CDC14A: variants seen among roughly 807,000 people sequenced by gnomAD.
The protein encoded by CDC14A is dual specificity protein phosphatase CDC14A.
CDC14A carries 53 observed loss-of-function variants against 74.4 expected under a neutral mutation model. The observed-to-expected ratio is 0.71, with a 90% CI of 0.57 to 0.89. CDC14A has a LOEUF of 0.89. Ranked by LOEUF, CDC14A falls within the 40% of genes least tolerant of loss-of-function variation. CDC14A has a pLI of 0.00. For missense variants in CDC14A, 646 were observed against 713.7 expected, an observed-to-expected ratio of 0.91 and a Z score of 1.08; for synonymous variants, 247 against 258.4, an observed-to-expected ratio of 0.96 and a Z score of 0.43.
intron 4 of CDC14A, among the ~76,000 whole-genome samples, chr1:100,408,304 A>C (rs1660216152): frequency 6.6e-6 from 1 of 152,190 alleles, no homozygotes; most frequent in African/African-American, 2.4e-5. Context: ...CATTTTAAAT[A>C]TCCATTCTAC....
At chr1:100,443,592 C>A (rs1438596305) in intron 7 of CDC14A, among the ~76,000 whole-genome samples, 2 of 152,044 alleles carry the variant, frequency 1.3e-5, no homozygotes, top group African/African-American at 4.8e-5. Context: ...GCCTCGGCCT[C>A]CCAAAGTGCT....
At chr1:100,406,164 G>A (rs935596437) in intron 4 of CDC14A, among the ~76,000 whole-genome samples, 7 of 152,006 alleles carry the variant, frequency 4.6e-5, no homozygotes, top group Non-Finnish European at 1.0e-4. Flanking sequence ...TTTGTTGGCC[G>A]CAAATATATC....
At chr1:100,513,413 T>G (rs1225520285) in intron 15 of CDC14A, among the ~76,000 whole-genome samples, 1 of 152,162 alleles carries the variant, frequency 6.6e-6, no homozygotes, top group Non-Finnish European at 1.5e-5. Context: ...TGTTTATTCC[T>G]TAAAGGACTG....
chr1:100,410,222 A>AT (rs1660498990), intron 4 of CDC14A, among the ~76,000 whole-genome samples: 1 of 151,992 alleles, frequency 6.6e-6, no homozygotes, highest in South Asian at 2.1e-4. Flanking sequence ...AAAAAAAAAA[A>AT]GAAAAAAAAA....
At chr1:100,411,017 A>AT (rs77243492) in intron 4 of CDC14A, among the ~76,000 whole-genome samples, 7 of 151,628 alleles carry the variant, frequency 4.6e-5, no homozygotes, top group East Asian at 3.9e-4. Flanking sequence ...CTGTATAGTG[A>AT]TTTTTTTTTG....
chr1:100,515,997 C>A (rs954727699), intron 15 of CDC14A, among the ~76,000 whole-genome samples: 1 of 152,136 alleles, frequency 6.6e-6, no homozygotes, highest in African/African-American at 2.4e-5. Context: ...GCCTGCAGGG[C>A]CAGTTAGGCA....
At chr1:100,504,891 A>T (rs1403662138) in intron 15 of CDC14A, 21 of 1,535,170 alleles carry the variant, frequency 1.4e-5, no homozygotes, top group Non-Finnish European at 1.7e-5. Flanking sequence ...CTCATCTTTA[A>T]ATAAAGACAT....
intron 10 of CDC14A, among the ~76,000 whole-genome samples, chr1:100,484,050 G>A (rs1669787641): frequency 1.3e-5 from 2 of 152,116 alleles, no homozygotes; most frequent in South Asian, 4.1e-4. Flanking sequence ...GACTTCAGCA[G>A]TCAACTATAT....
intron 2 of CDC14A, among the ~76,000 whole-genome samples, chr1:100,362,331 G>A (rs901732819): frequency 2.6e-5 from 4 of 152,012 alleles, no homozygotes; most frequent in African/African-American, 9.7e-5. Flanking sequence ...ATTTTTCAAA[G>A]AATATTGCTT....
chr1:100,425,929 G>C (rs1662912152), intron 5 of CDC14A, among the ~76,000 whole-genome samples: 1 of 152,154 alleles, frequency 6.6e-6, no homozygotes, highest in Non-Finnish European at 1.5e-5. Context: ...GCTTCTTGCT[G>C]TCTGTAGTAA....
upstream of CDC14A, among the ~76,000 whole-genome samples, chr1:100,352,217 C>G (rs1236133423): frequency 1.3e-5 from 2 of 152,204 alleles, no homozygotes; most frequent in East Asian, 3.9e-4. Flanking sequence ...TCATAAGTTT[C>G]TGGCCTACAG....
At chr1:100,417,103 C>G (rs1308791646) in intron 4 of CDC14A, among the ~76,000 whole-genome samples, 1 of 152,114 alleles carries the variant, frequency 6.6e-6, no homozygotes, top group Non-Finnish European at 1.5e-5. Flanking sequence ...AACTGGTATA[C>G]GAATTTGAAG....
chr1:100,389,473 A>G (rs564653008), intron 3 of CDC14A, among the ~76,000 whole-genome samples: 32 of 148,946 alleles, frequency 2.1e-4, no homozygotes, highest in Admixed American at 6.6e-5. Context: ...ATATATATAT[A>G]TGTGTATATA....
intron 3 of CDC14A, among the ~76,000 whole-genome samples, chr1:100,378,601 A>C (rs199924574): frequency 1.6e-4 from 24 of 152,188 alleles, no homozygotes; most frequent in Non-Finnish European, 8.8e-5. Context: ...TATCCTTATG[A>C]ATTTACAAAT....
At chr1:100,377,254 G>A (rs1284866288) in intron 2 of CDC14A, among the ~76,000 whole-genome samples, 2 of 152,080 alleles carry the variant, frequency 1.3e-5, no homozygotes, top group Non-Finnish European at 2.9e-5. Context: ...TGGTCAGGCT[G>A]GTCTCGAACA....
upstream of CDC14A, among the ~76,000 whole-genome samples, chr1:100,351,154 A>C (rs1190595848): frequency 6.6e-6 from 1 of 152,034 alleles, no homozygotes; most frequent in Non-Finnish European, 1.5e-5. Flanking sequence ...AGATTGAGCC[A>C]CCGCACTCCG....
Position 100,419,263 on chromosome 1 carries a change from T to C in CDC14A, c.310-4959T>C, listed in dbSNP as rs183670412. On this transcript the variant is annotated intron_variant, in intron 4 of 15. Coordinates refer to ENST00000336454, the MANE Select transcript of CDC14A (RefSeq NM_003672.4). ...AGTCTGGGTATTGACTTGATGTGGC[T>C]ATCACGTGATGGAGAGGCCAAGGTC... Among the ~76,000 whole-genome samples, 110 of 152,308 alleles carry C rather than the reference T, an allele frequency of 7.2e-4. 1 individual carries two copies. The East Asian group carries it at 0.011, about 16-fold the overall frequency.
At chr1:100,369,065 T>G (rs1654044036) in intron 2 of CDC14A, among the ~76,000 whole-genome samples, 1 of 151,052 alleles carries the variant, frequency 6.6e-6, no homozygotes, top group South Asian at 2.1e-4. Context: ...AGTGTGAATC[T>G]GTTGTTTTTT....
chr1:100,371,387 G>A (rs1296702090), intron 2 of CDC14A, among the ~76,000 whole-genome samples: 1 of 152,162 alleles, frequency 6.6e-6, no homozygotes, highest in Non-Finnish European at 1.5e-5. Flanking sequence ...CTCCTAAAGG[G>A]AATGCTTCCA....
Sources: gnomAD v4.1 joint callset for allele counts (sites outside exome capture counted in the v4.1 genomes callset) on GRCh38, gnomAD v4.1.1 for gene constraint, MANE v1.5 for transcripts, NCBI Gene and HGNC (gene_info 2026-07-23, HGNC 2026-07-21) for gene names.